The following WLS variants were observed in gnomAD, a reference collection of about 807,000 sequenced individuals.
WLS encodes protein wntless homolog.
WLS carries 23 observed loss-of-function variants against 62.8 expected under a neutral mutation model. That is an observed-to-expected ratio of 0.37 (90% CI 0.26 to 0.52). The LOEUF (loss-of-function observed/expected upper bound fraction) is 0.52, where lower values mean the gene tolerates loss of function less well. WLS is among the 20% of genes least tolerant of loss of function. WLS has a pLI of 0.92. For synonymous variants in WLS, 246 were observed against 244.1 expected, an observed-to-expected ratio of 1.01 and a Z score of -0.07; for missense variants, 615 against 697.3, an observed-to-expected ratio of 0.88 and a Z score of 1.33.
chr1:68,109,722 A>G (rs1037689684), intron 11 of WLS, among the ~76,000 whole-genome samples: 7 of 152,130 alleles, frequency 4.6e-5, no homozygotes, highest in African/African-American at 7.2e-5. Context: ...AAGGATCAAT[A>G]ATCATTATAG....
intron 2 of WLS, among the ~76,000 whole-genome samples, chr1:68,168,639 G>C (rs1159456127): frequency 6.6e-6 from 1 of 152,184 alleles, no homozygotes; most frequent in Non-Finnish European, 1.5e-5. Flanking sequence ...TGACTTTCCT[G>C]GGCCTTTGCC....
chr1:68,144,515 G>A (rs1239307571), intron 10 of WLS, 54 bp downstream of exon 10: 9 of 1,546,386 alleles, frequency 5.8e-6, no homozygotes, highest in South Asian at 1.1e-5. Flanking sequence ...TCTGTGCAGG[G>A]TAGAGGGATC....
In WLS at chr1:68,112,925, C is replaced by T. The variant is rs1362849587; in HGVS notation, c.1511-14172G>A. ...GTTAAAGAGCAAGGAATTTGGCTCC[C>T]TGCCTAGGTTGGCAGTGAGAGCGTC... is the stretch of plus-strand genomic sequence containing the variant. On this transcript the variant is annotated intron_variant, in intron 11 of 11. Coordinates refer to the WLS transcript ENST00000354777. 2.0e-5 allele frequency among the ~76,000 whole-genome samples: 3 copies of T among 152,250 alleles called. No individual in the cohort carries two copies. The East Asian group carries it at 5.8e-4, about 29-fold the overall frequency.
intron 1 of WLS, among the ~76,000 whole-genome samples, chr1:68,212,900 C>G (rs1452961657): frequency 6.6e-6 from 1 of 152,192 alleles, no homozygotes. Flanking sequence ...AATAACACCA[C>G]AGATGAACAG....
rs1425649466 is a variant in WLS, at chr1:68,162,855, G to A, written c.380-3608C>T. ...TGAGGATGATGGTGTGGTACATCAT[G>A]GTACCCATGGCTTCGTTAGAACCTT... On this transcript the variant is annotated intron_variant, in intron 2 of 11. Coordinates refer to ENST00000262348, the MANE Select transcript of WLS (RefSeq NM_024911.7). 1.7e-5 allele frequency: 24 copies of A among 1,417,572 alleles called. No homozygotes were observed. In the African/African-American group the frequency reaches 1.8e-4, roughly 11 times the overall value. 87.8% of individuals were successfully genotyped at this position (1,417,572 alleles called of 1,614,324 possible). A position where few individuals can be genotyped will look rare whatever the true frequency, so the allele number is the denominator to read the frequency against.
chr1:68,173,516 G>A (rs1345637292), intron 2 of WLS, among the ~76,000 whole-genome samples: 1 of 152,140 alleles, frequency 6.6e-6, no homozygotes, highest in Non-Finnish European at 1.5e-5. Context: ...CAGCTGCATT[G>A]TCATACAGTA....
intron 2 of WLS, among the ~76,000 whole-genome samples, chr1:68,184,076 A>G (rs993588948): frequency 6.6e-6 from 1 of 152,186 alleles, no homozygotes; most frequent in African/African-American, 2.4e-5. Context: ...ATATTTTTTC[A>G]GTCTCAGGAA....
intron 9 of WLS, among the ~76,000 whole-genome samples, chr1:68,144,865 A>G (rs915536755): frequency 6.6e-6 from 1 of 152,204 alleles, no homozygotes; most frequent in African/African-American, 2.4e-5. Flanking sequence ...CTTATCACTC[A>G]TAAAGCAGCG....
At chr1:68,143,424 T>A (rs1374074373) in intron 10 of WLS, among the ~76,000 whole-genome samples, 1 of 152,252 alleles carries the variant, frequency 6.6e-6, no homozygotes. Flanking sequence ...ATGTGCCAGG[T>A]GCTCTGCTAA....
intron 6 of WLS, 72 bp from the exon 7 acceptor site, chr1:68,148,732 A>G: frequency 7.0e-7 from 1 of 1,421,706 alleles, no homozygotes; most frequent in Non-Finnish European, 9.8e-7. Context: ...GGGAGTCAGC[A>G]TTCGAAGGAC....
At chr1:68,221,973 C>T (rs757320051) in intron 1 of WLS, among the ~76,000 whole-genome samples, 4 of 152,036 alleles carry the variant, frequency 2.6e-5, no homozygotes, top group Non-Finnish European at 4.4e-5. Flanking sequence ...ATGGCAGAGA[C>T]GAAGAATGAG....
rs778801444 is a variant in WLS, at chr1:68,193,946, A to C, written c.379+9T>G. 2.5e-6 allele frequency: 4 copies of C among 1,611,844 alleles called. No homozygotes were observed. Among genetic ancestry groups the C allele is most frequent in the Non-Finnish European group, 3.4e-6 (4 of 1,178,568 alleles). On this transcript the variant is annotated intron_variant, in intron 2 of 11. Transcript: ENST00000262348. The stretch of plus-strand genomic sequence containing the variant: ...GGGAAGAAAGGGATGAGAGGAGAGT[A>C]CACTTAACTGATTTGGTTGTTTAGC...
At position 68,132,911 on chromosome 1, in the gene WLS, C is replaced by T. The variant is rs192955491; in HGVS notation, c.1516+4869G>A. On this transcript the variant is annotated intron_variant, in intron 11 of 11. Transcript: ENST00000262348. ...GTGCAGGGCTTTGCTGCTGGAGCCCCGGGAGGTGGTATTTTTGCTCTGAGA... is the reference window on the plus strand; with the variant it reads ...GTGCAGGGCTTTGCTGCTGGAGCCCTGGGAGGTGGTATTTTTGCTCTGAGA... Among the ~76,000 whole-genome samples the T allele has an allele frequency of 5.5e-3, 831 of 152,150 alleles. 4 individuals are homozygous for T. Among genetic ancestry groups the T allele is most frequent in the Non-Finnish European group, 8.9e-3 (604 of 68,002 alleles).
Position 68,126,166 on chromosome 1 carries a change from C to T in WLS, c.*60G>A, listed in dbSNP as rs972653838. The T allele has an allele frequency of 4.4e-6, 7 of 1,600,934 alleles. No homozygotes were observed. The African/African-American group carries it at 9.4e-5, about 21-fold the overall frequency. On this transcript the variant is annotated 3_prime_UTR_variant, in exon 12 of 12. Coordinates refer to ENST00000262348, the MANE Select transcript of WLS (RefSeq NM_024911.7). ...CATTGAGCTCTCTCTGGCATGCTCC[C>T]CACTCTAGTTAGAGGGGCTGGGGTA...
intron 1 of WLS, among the ~76,000 whole-genome samples, chr1:68,217,673 T>C (rs1460258406): frequency 6.6e-6 from 1 of 152,108 alleles, no homozygotes; most frequent in East Asian, 1.9e-4. Flanking sequence ...ACCTACTCAG[T>C]AATTATTTTG....
intron 1 of WLS, among the ~76,000 whole-genome samples, chr1:68,224,909 G>T (rs766549174): frequency 4.6e-5 from 7 of 152,198 alleles, no homozygotes; most frequent in Non-Finnish European, 8.8e-5. Context: ...ATATGGCTTA[G>T]GATTCAATCA....
intron 2 of WLS, among the ~76,000 whole-genome samples, chr1:68,163,327 G>T (rs982614541): frequency 1.3e-5 from 2 of 152,190 alleles, no homozygotes; most frequent in East Asian, 1.9e-4. Flanking sequence ...CGTCCCGGAC[G>T]GTCAGCGTCC....
At chr1:68,159,345 G>A (rs865795907) in intron 2 of WLS, 98 bp from the exon 3 acceptor site, 59 of 1,406,720 alleles carry the variant, frequency 4.2e-5, no homozygotes, top group African/African-American at 3.5e-4. Flanking sequence ...GGAAACCAAC[G>A]AGACAAAAGG....
At chr1:68,132,425 A>G (rs552420365) in intron 11 of WLS, among the ~76,000 whole-genome samples, 6 of 152,324 alleles carry the variant, frequency 3.9e-5, no homozygotes, top group African/African-American at 1.2e-4. Flanking sequence ...AGATGGCGTC[A>G]ATAAAAGGGG....
Sources: gnomAD v4.1 joint callset for allele counts (sites outside exome capture counted in the v4.1 genomes callset) on GRCh38, gnomAD v4.1.1 for gene constraint, MANE v1.5 for transcripts, NCBI Gene and HGNC (gene_info 2026-07-23, HGNC 2026-07-21) for gene names.